MYO16: variants seen among roughly 807,000 people sequenced by gnomAD.
The protein encoded by MYO16 is unconventional myosin-XVI.
In MYO16, 94 loss-of-function variants were observed where a neutral mutation model predicts 205.3. The observed-to-expected ratio is 0.46, with a 90% CI of 0.39 to 0.54. The LOEUF (loss-of-function observed/expected upper bound fraction) is 0.54. Among genes scored for constraint, MYO16 ranks in the 20% least tolerant of loss-of-function variants. The probability of loss-of-function intolerance (pLI) is 0.00; values close to 1 mark genes in which losing one functional copy is unlikely to be tolerated. For missense variants in MYO16, 2,315 were observed against 2,387.5 expected, an observed-to-expected ratio of 0.97 and a Z score of 0.63; for synonymous variants, 988 against 954.0, an observed-to-expected ratio of 1.04 and a Z score of -0.66.
intron 3 of MYO16, among the ~76,000 whole-genome samples, chr13:108,717,905 C>T (rs571389954): frequency 6.6e-5 from 10 of 152,236 alleles, no homozygotes; most frequent in South Asian, 4.1e-4. Context: ...AAGAAACATG[C>T]GTGTTTCATA....
At chr13:108,499,141 C>T in the MYO16 span, among the ~76,000 whole-genome samples, 42,085 of 152,148 alleles carry the variant, frequency 0.28, 6,320 homozygotes, top group Non-Finnish European at 0.35. Flanking sequence ...AACATTTATA[C>T]TCAACTTGCC....
At chr13:108,713,561 A>G (rs1883805176) in intron 3 of MYO16, among the ~76,000 whole-genome samples, 1 of 152,166 alleles carries the variant, frequency 6.6e-6, no homozygotes, top group Non-Finnish European at 1.5e-5. Flanking sequence ...TGAGCCCACA[A>G]AGATTCTTAC....
chr13:109,007,539 CGT>C (rs71125360), intron 21 of MYO16, among the ~76,000 whole-genome samples: 7,122 of 133,474 alleles, frequency 0.053, 276 homozygotes, highest in African/African-American at 0.11. Context: ...AGAAATCAGC[CGT>C]GTGTGTGTGT....
chr13:108,564,847 C>T, the MYO16 span, among the ~76,000 whole-genome samples: 7 of 152,024 alleles, frequency 4.6e-5, no homozygotes, highest in Non-Finnish European at 1.0e-4. Context: ...AGATGGGGGT[C>T]AAGTTTCATT....
intron 15 of MYO16, among the ~76,000 whole-genome samples, chr13:108,903,051 GCT>G (rs1274409773): frequency 6.6e-6 from 1 of 152,136 alleles, no homozygotes; most frequent in Non-Finnish European, 1.5e-5. Context: ...TCACTTAGAA[GCT>G]CTCTCAGTTA....
chr13:108,751,143 C>G (rs6492144), intron 4 of MYO16, among the ~76,000 whole-genome samples: 70,359 of 151,890 alleles, frequency 0.46, 16,406 homozygotes, highest in East Asian at 0.55. Context: ...CTTTCATAGC[C>G]ATGAGCACAC....
the MYO16 span, among the ~76,000 whole-genome samples, chr13:108,536,786 G>C: frequency 2.6e-5 from 4 of 152,050 alleles, no homozygotes; most frequent in African/African-American, 9.7e-5. Flanking sequence ...TTCAACAGTT[G>C]AATGTCTTAA....
At chr13:109,034,253 A>G (rs1259036727) in intron 23 of MYO16, among the ~76,000 whole-genome samples, 1 of 152,226 alleles carries the variant, frequency 6.6e-6, no homozygotes, top group Non-Finnish European at 1.5e-5. Flanking sequence ...ACAAATGTAT[A>G]TGATATGCTT....
intron 12 of MYO16, among the ~76,000 whole-genome samples, chr13:108,876,907 C>T (rs1203524086): frequency 6.6e-6 from 1 of 152,096 alleles, no homozygotes; most frequent in Admixed American, 6.5e-5. Flanking sequence ...ACCTCATGAT[C>T]TGCTCACCTC....
chr13:109,021,783 A>G (rs925564040), intron 23 of MYO16, among the ~76,000 whole-genome samples: 4 of 152,140 alleles, frequency 2.6e-5, no homozygotes, highest in Non-Finnish European at 5.9e-5. Flanking sequence ...TGTACAACCA[A>G]GGGCTTTGTC....
At chr13:108,585,305 G>A in the MYO16 span, among the ~76,000 whole-genome samples, 1 of 152,206 alleles carries the variant, frequency 6.6e-6, no homozygotes, top group African/African-American at 2.4e-5. Context: ...GTTCAGAAAG[G>A]CGAGACAACT....
At chr13:109,001,191 A>G (rs1566454332) in intron 21 of MYO16, among the ~76,000 whole-genome samples, 1 of 151,674 alleles carries the variant, frequency 6.6e-6, no homozygotes, top group South Asian at 2.1e-4. Context: ...TAAAAAAAAA[A>G]AAAGAAAAGG....
intron 33 of MYO16, among the ~76,000 whole-genome samples, chr13:109,173,058 G>T (rs1878985595): frequency 6.6e-6 from 1 of 152,228 alleles, no homozygotes; most frequent in Admixed American, 6.5e-5. Context: ...TTCAGGGGAA[G>T]GGTCTATTTA....
intron 4 of MYO16, among the ~76,000 whole-genome samples, chr13:108,776,465 G>A (rs1353282648): frequency 6.6e-6 from 1 of 152,144 alleles, no homozygotes; most frequent in African/African-American, 2.4e-5. Context: ...ATGAATGGCG[G>A]ATGGCGGCTC....
intron 1 of MYO16, among the ~76,000 whole-genome samples, chr13:108,612,226 G>A (rs888256378): frequency 6.6e-6 from 1 of 151,982 alleles, no homozygotes; most frequent in African/African-American, 2.4e-5. Flanking sequence ...ACAGTCCTGT[G>A]TCTTGCATGT....
intron 32 of MYO16, among the ~76,000 whole-genome samples, chr13:109,152,688 A>G (rs1255871215): frequency 6.6e-6 from 1 of 152,206 alleles, no homozygotes; most frequent in African/African-American, 2.4e-5. Flanking sequence ...CCTCTGCAAT[A>G]GCTTTAGAAA....
chr13:108,904,527 G>A (rs1318726483), intron 15 of MYO16, among the ~76,000 whole-genome samples: 3 of 152,108 alleles, frequency 2.0e-5, no homozygotes, highest in Non-Finnish European at 2.9e-5. Flanking sequence ...TGACATACAA[G>A]TCAGTTTATG....
chr13:108,709,670 T>C lies in MYO16; in HGVS notation c.293-2991T>C, dbSNP rs1241289000. ...TATTATAAACTAATTATTACACAAATGATATTTTCTTCATTGTATCTTCAC... is the reference window on the plus strand; with the variant it reads ...TATTATAAACTAATTATTACACAAACGATATTTTCTTCATTGTATCTTCAC... On this transcript the variant is annotated intron_variant, in intron 2 of 34. Transcript: ENST00000457511. 1.5e-5 allele frequency among the ~76,000 whole-genome samples: 2 copies of C among 135,890 alleles called. 1 individual carries two copies. The highest frequency in any genetic ancestry group is 3.2e-5 in the Non-Finnish European group (2 of 61,898). The allele number at this position is 135,890 out of a possible 152,430, so 89.1% of individuals were successfully genotyped here.
In MYO16 at chr13:108,879,772, T is replaced by C. The variant is rs1594365157; in HGVS notation, c.1426-3287T>C. ...AATTCAGTCTATCATTGATGGACAT[T>C]TGGGTTGATTCCAAGTCTTTGCCAT... is the stretch of plus-strand genomic sequence containing the variant. On this transcript the variant is annotated intron_variant, in intron 12 of 34. Coordinates refer to ENST00000457511, the MANE Select transcript of MYO16 (RefSeq NM_001198950.3). 2.6e-5 allele frequency among the ~76,000 whole-genome samples: 4 copies of C among 152,334 alleles called. No homozygotes were observed. In the South Asian group the frequency reaches 8.3e-4, roughly 32 times the overall value.
Sources: gnomAD v4.1 joint callset for allele counts (sites outside exome capture counted in the v4.1 genomes callset) on GRCh38, gnomAD v4.1.1 for gene constraint, MANE v1.5 for transcripts, NCBI Gene and HGNC (gene_info 2026-07-23, HGNC 2026-07-21) for gene names.